Variants in PRKD1 observed in about 807,000 individuals in gnomAD.
PRKD1 encodes protein kinase D1, also known as serine/threonine-protein kinase D1.
A neutral mutation model predicts 95.9 loss-of-function variants in PRKD1; 63 were observed. The ratio of observed to expected loss-of-function variants is 0.66; its 90% CI spans 0.54 to 0.81. The LOEUF is 0.81. PRKD1 is among the 30% of genes least tolerant of loss of function. The pLI is 0.00. For missense variants in PRKD1, 1,048 were observed against 1,165.3 expected, an observed-to-expected ratio of 0.90 and a Z score of 1.47; for synonymous variants, 425 against 423.1, an observed-to-expected ratio of 1.00 and a Z score of -0.05.
chr14:29,769,927 A>G (rs922633268), intron 1 of PRKD1, among the ~76,000 whole-genome samples: 6 of 152,208 alleles, frequency 3.9e-5, no homozygotes, highest in Admixed American at 3.9e-4. Context: ...GTTGAAACCT[A>G]ATCCTCAATC....
chr14:29,756,786 T>C (rs866364734), intron 1 of PRKD1, among the ~76,000 whole-genome samples: 3 of 152,154 alleles, frequency 2.0e-5, no homozygotes, highest in Non-Finnish European at 4.4e-5. Context: ...TAGCCCCAGA[T>C]TGGGGAATAC....
chr14:29,620,261 T>C (rs919176178), intron 13 of PRKD1, among the ~76,000 whole-genome samples: 31 of 151,460 alleles, frequency 2.0e-4, no homozygotes, highest in African/African-American at 7.5e-4. Flanking sequence ...GACATAGGCA[T>C]GAGCAAGGAC....
chr14:29,760,154 A>G (rs938084285), intron 1 of PRKD1, among the ~76,000 whole-genome samples: 4 of 152,160 alleles, frequency 2.6e-5, no homozygotes, highest in African/African-American at 7.2e-5. Context: ...CATTCCATTC[A>G]GCCAACTCTA....
chr14:29,888,717 C>A (rs543034888), intron 1 of PRKD1, among the ~76,000 whole-genome samples: 1 of 152,260 alleles, frequency 6.6e-6, no homozygotes, highest in East Asian at 1.9e-4. Context: ...AAACCAGACA[C>A]ACCACACAAA....
Position 29,611,858 on chromosome 14 carries a change from G to A in PRKD1, c.1906-12041C>T, listed in dbSNP as rs1346977451. Among the ~76,000 whole-genome samples, 3 of 151,840 alleles carry A rather than the reference G, an allele frequency of 2.0e-5. No homozygotes were observed. In the South Asian group the frequency reaches 6.3e-4, roughly 32 times the overall value. On this transcript the variant is annotated intron_variant, in intron 13 of 17. Transcript: ENST00000331968. ...TTCTTCTACTTGGCATCAAATGTCT[G>A]GAAATGAAGACATATGGAAAACTTT...
In PRKD1 at chr14:29,784,057, T is replaced by C. The variant is rs184202573; in HGVS notation, c.265-58383A>G. 2.0e-5 allele frequency among the ~76,000 whole-genome samples: 3 copies of C among 152,358 alleles called. No homozygotes were observed. In the East Asian group the frequency reaches 5.8e-4, roughly 29 times the overall value. On this transcript the variant is annotated intron_variant, in intron 1 of 17. Transcript: ENST00000331968. ...AAAATCTTTGCTTAGACCAATGTCC[T>C]GAAGCATTTTCTCTATGTTTTCTTC...
At chr14:29,593,790 G>A (rs1893209529) in intron 16 of PRKD1, among the ~76,000 whole-genome samples, 1 of 152,158 alleles carries the variant, frequency 6.6e-6, no homozygotes, top group Non-Finnish European at 1.5e-5. Context: ...ATAGGTTTCT[G>A]TTATTTAAAC....
intron 4 of PRKD1, chr14:29,656,585 G>A: frequency 1.4e-6 from 2 of 1,398,030 alleles, no homozygotes; most frequent in South Asian, 2.5e-5. Context: ...TTATTGGATG[G>A]AAGCAAAGCA....
At chr14:29,752,040 T>A (rs1442411772) in intron 1 of PRKD1, among the ~76,000 whole-genome samples, 1 of 152,190 alleles carries the variant, frequency 6.6e-6, no homozygotes, top group Admixed American at 6.5e-5. Flanking sequence ...TTCATCTTAC[T>A]TCTTAACATA....
At chr14:29,644,700 A>G (rs1881014388) in intron 4 of PRKD1, among the ~76,000 whole-genome samples, 1 of 152,122 alleles carries the variant, frequency 6.6e-6, no homozygotes, top group Non-Finnish European at 1.5e-5. Context: ...TATCTAGTTC[A>G]GCCGAAGACC....
chr14:29,788,849 T>C (rs1391704290), intron 1 of PRKD1, among the ~76,000 whole-genome samples: 1 of 152,076 alleles, frequency 6.6e-6, no homozygotes, highest in African/African-American at 2.4e-5. Context: ...ATCAGTGTAT[T>C]CCTATATCTC....
chr14:29,705,259 A>G (rs181812946), intron 2 of PRKD1, among the ~76,000 whole-genome samples: 1 of 152,250 alleles, frequency 6.6e-6, no homozygotes, highest in African/African-American at 2.4e-5. Flanking sequence ...ACAGAACTTA[A>G]GCAATTAAAA....
intron 1 of PRKD1, among the ~76,000 whole-genome samples, chr14:29,750,513 G>C (rs1166971477): frequency 6.6e-6 from 1 of 152,030 alleles, no homozygotes; most frequent in African/African-American, 2.4e-5. Flanking sequence ...AGTTTTTCCA[G>C]TTCAGGATCA....
intron 1 of PRKD1, among the ~76,000 whole-genome samples, chr14:29,924,561 A>G (rs2139145982): frequency 6.6e-6 from 1 of 152,322 alleles, no homozygotes; most frequent in African/African-American, 2.4e-5. Context: ...AAAGTGAATG[A>G]AAAACTTCTT....
intron 13 of PRKD1, among the ~76,000 whole-genome samples, chr14:29,615,372 G>A (rs983012594): frequency 6.6e-6 from 1 of 152,162 alleles, no homozygotes; most frequent in Non-Finnish European, 1.5e-5. Flanking sequence ...GAGGTACAAA[G>A]CTTCAGAATT....
intron 2 of PRKD1, among the ~76,000 whole-genome samples, chr14:29,713,834 T>C (rs1276399739): frequency 6.6e-6 from 1 of 152,146 alleles, no homozygotes; most frequent in Non-Finnish European, 1.5e-5. Context: ...CAGTTCTCAG[T>C]TTGAAGTTCA....
intron 2 of PRKD1, among the ~76,000 whole-genome samples, chr14:29,680,220 A>T (rs1364784123): frequency 2.0e-5 from 3 of 152,194 alleles, no homozygotes; most frequent in African/African-American, 7.2e-5. Flanking sequence ...TAACATGTGC[A>T]ATTAAAAAAA....
rs45562033 is a variant in PRKD1 at position 29,684,383 on chromosome 14, G to C, written c.404-18175C>G. Among the ~76,000 whole-genome samples the C allele has an allele frequency of 2.2e-3, 338 of 152,202 alleles. 4 individuals carry two copies. In the East Asian group the frequency reaches 0.044, roughly 20 times the overall value. On this transcript the variant is annotated intron_variant, in intron 2 of 17. Transcript: ENST00000331968. ...TACAGCATTTGGTCTTTGAGACATAGATAAACATTTAGTTATATGTCATGT... is the reference window on the plus strand; with the variant it reads ...TACAGCATTTGGTCTTTGAGACATACATAAACATTTAGTTATATGTCATGT...
Position 29,577,475 on chromosome 14 carries a change from A to C in PRKD1, c.2521-19T>G. 1.3e-6 allele frequency: 2 copies of C among 1,598,404 alleles called. No individual in the cohort carries two copies. Among genetic ancestry groups the C allele is most frequent in the East Asian group, 2.2e-5 (1 of 44,752 alleles). On this transcript the variant is annotated intron_variant, in intron 17 of 17. Coordinates refer to ENST00000331968, the MANE Select transcript of PRKD1 (RefSeq NM_002742.3). The stretch of plus-strand genomic sequence containing the variant: ...GATAGTCCTGAAGAAGAAATTCCAA[A>C]ATATTACCATAGAGATCATTACAAC...
Sources: gnomAD v4.1 joint callset for allele counts (sites outside exome capture counted in the v4.1 genomes callset) on GRCh38, gnomAD v4.1.1 for gene constraint, MANE v1.5 for transcripts, NCBI Gene and HGNC (gene_info 2026-07-23, HGNC 2026-07-21) for gene names.